The following TMEM53 variants were observed in gnomAD, a reference collection of about 807,000 sequenced individuals.
The protein encoded by TMEM53 is transmembrane protein 53.
In TMEM53, 14 loss-of-function variants were observed where a neutral mutation model predicts 21.4. The ratio of observed to expected loss-of-function variants is 0.65; its 90% confidence interval spans 0.43 to 1.02. TMEM53 has a LOEUF of 1.02. Ranked by LOEUF, TMEM53 falls within the 50% of genes least tolerant of loss-of-function variation. TMEM53 has a pLI of 0.00. For synonymous variants in TMEM53, 148 were observed against 157.4 expected, an observed-to-expected ratio of 0.94 and a Z score of 0.45; for missense variants, 323 against 383.6, an observed-to-expected ratio of 0.84 and a Z score of 1.32.
intron 1 of TMEM53, among the ~76,000 whole-genome samples, chr1:44,669,701 A>G (rs1270250739): frequency 1.3e-5 from 2 of 152,160 alleles, no homozygotes; most frequent in Non-Finnish European, 2.9e-5. Flanking sequence ...ACAGACATTC[A>G]GAGAAAAGGA....
rs1644824958 is a variant in TMEM53 at position 44,654,093 on chromosome 1, C to A, written c.*466G>T. 6.5e-6 allele frequency: 1 copy of A among 153,826 alleles called. No homozygotes were observed. 9.5% of individuals were successfully genotyped at this position (153,826 alleles called of 1,614,324 possible). A position where few individuals can be genotyped will look rare whatever the true frequency, so the allele number is the denominator to read the frequency against. ...AGTGAGCCATGATTGCACCATTGCA[C>A]CCCAGCCTAGGTGACAGAGTGAGAC... On this transcript the variant is annotated 3_prime_UTR_variant, in exon 3 of 3. Transcript: ENST00000372237. The surrounding 1 kb of genome is among the most constrained non-coding windows in gnomAD (Gnocchi z 7.0).
At position 44,654,690 on chromosome 1, in the gene TMEM53, G is replaced by T. The variant is rs138904774; in HGVS notation, c.703C>A (p.Arg235Ser). Residue 235 changes from arginine to serine, a missense_variant, in exon 3 of 3, where the codon CGC becomes AGC. Transcript: ENST00000372237. This position sits in a 1 kb window ranked among gnomAD's most constrained non-coding sequence, Gnocchi z 7.0. Reference sequence around the variant, plus strand: ...CGCGCCAGGACCCGGCGTGCCAGGCGTGCCTCCACCATGCGTTCTATGTCT... The same window carrying T: ...CGCGCCAGGACCCGGCGTGCCAGGCTTGCCTCCACCATGCGTTCTATGTCT... Reference protein sequence around the residue: ...ARDIERMVEARLARRVLARSV... With the variant: ...ARDIERMVEASLARRVLARSV... The T allele has an allele frequency of 1.9e-6, 3 of 1,614,144 alleles. No individual in the cohort carries two copies. The East Asian group carries it at 6.7e-5, about 36-fold the overall frequency.
rs377011773 is a variant in TMEM53, at chr1:44,654,579, G to A, written c.814C>T (p.Arg272Cys). 6.6e-5 allele frequency: 106 copies of A among 1,606,686 alleles called. No individual in the cohort carries two copies. Among genetic ancestry groups the A allele is most frequent in the South Asian group, 1.9e-4 (17 of 90,958 alleles). ...TGGCCTCAGCAGCGGACGCAGTTGCGCATGAAGTCGACACAGAGGCTTGTG... is the reference window on the plus strand; with the variant it reads ...TGGCCTCAGCAGCGGACGCAGTTGCACATGAAGTCGACACAGAGGCTTGTG... ...YYTSLCVDFMRNCVRC is the reference protein window; with the variant it reads ...YYTSLCVDFMCNCVRC The change falls in exon 3 of 3, where the codon CGC becomes TGC. Residue 272 changes from arginine (R) to cysteine (C), a missense_variant. Physicochemically the swap from Arg to Cys is radical, Grantham distance 180 (BLOSUM62 -3). Around this residue, in one of 3 missense-constraint regions of TMEM53, gnomAD observed 269 missense variants for 334.5 expected, o/e 0.80. Coordinates refer to ENST00000372237, the MANE Select transcript of TMEM53 (RefSeq NM_024587.4). The surrounding 1 kb of genome is among the most constrained non-coding windows in gnomAD (Gnocchi z 7.0).
At chr1:44,656,561 C>T (rs1644850812) in intron 2 of TMEM53, among the ~76,000 whole-genome samples, 1 of 152,168 alleles carries the variant, frequency 6.6e-6, no homozygotes, top group African/African-American at 2.4e-5. Context: ...CTGACAGAGG[C>T]CTTTCAGTCC....
chr1:44,672,746 G>A lies in TMEM53; in HGVS notation c.61+1585C>T, dbSNP rs541647159. Among the ~76,000 whole-genome samples the A allele has an allele frequency of 2.0e-5, 3 of 150,756 alleles. No individual in the cohort carries two copies. The South Asian group carries it at 6.3e-4, about 32-fold the overall frequency. On this transcript the variant is annotated intron_variant, in intron 1 of 2. Coordinates refer to ENST00000372237, the MANE Select transcript of TMEM53 (RefSeq NM_024587.4). Reference sequence around the variant, plus strand: ...GGATCCGCCACTGCACTCCGGCCTGGGCGACAGGGGAGACTCCATCTCTTA... The same window carrying A: ...GGATCCGCCACTGCACTCCGGCCTGAGCGACAGGGGAGACTCCATCTCTTA...
intron 1 of TMEM53, among the ~76,000 whole-genome samples, chr1:44,664,983 G>A (rs910836290): frequency 2.6e-5 from 4 of 151,892 alleles, no homozygotes; most frequent in African/African-American, 9.7e-5. Flanking sequence ...CCACGATGCT[G>A]ATGCTCCGTG....
intron 2 of TMEM53, among the ~76,000 whole-genome samples, chr1:44,658,273 T>A (rs1644867551): frequency 6.6e-6 from 1 of 152,064 alleles, no homozygotes; most frequent in South Asian, 2.1e-4. Context: ...TCTTCTAGTG[T>A]TCCGGTCTCA....
At chr1:44,666,255 G>A (rs972978003) in intron 1 of TMEM53, among the ~76,000 whole-genome samples, 1 of 152,194 alleles carries the variant, frequency 6.6e-6, no homozygotes. Context: ...GATGAAACCA[G>A]GACCCTCATA....
At chr1:44,663,529 C>T (rs776805386) in intron 1 of TMEM53, among the ~76,000 whole-genome samples, 1 of 152,234 alleles carries the variant, frequency 6.6e-6, no homozygotes, top group Non-Finnish European at 1.5e-5. Flanking sequence ...CGTGAGCCAC[C>T]GCACCTGGCC....
At chr1:44,666,849 T>TG (rs375375834) in intron 1 of TMEM53, among the ~76,000 whole-genome samples, 9,318 of 151,842 alleles carry the variant, frequency 0.061, 950 homozygotes, top group African/African-American at 0.21. Flanking sequence ...TACTTTTTTT[T>TG]TTTGTTTTGT....
chr1:44,655,330 G>C lies in TMEM53; in HGVS notation c.184-121C>G. The C allele has an allele frequency of 1.0e-6, 1 of 997,480 alleles. No homozygotes were observed. Among genetic ancestry groups the C allele is most frequent in the East Asian group, 2.6e-5 (1 of 37,756 alleles). The allele number at this position is 997,480 out of a possible 1,614,324, so 61.8% of individuals were successfully genotyped here. A position where few individuals can be genotyped will look rare whatever the true frequency, so the allele number is the denominator to read the frequency against. On this transcript the variant is annotated intron_variant, in intron 2 of 2. Transcript: ENST00000372237. This position sits in a 1 kb window ranked among gnomAD's most constrained non-coding sequence, Gnocchi z 4.4. ...ATAGGCCATGGGGCCCACAGCGTCAGCAATGCTCTGGGTCCTGCTTCAGCC... is the reference window on the plus strand; with the variant it reads ...ATAGGCCATGGGGCCCACAGCGTCACCAATGCTCTGGGTCCTGCTTCAGCC...
At chr1:44,659,626 C>G (rs996964091) in intron 2 of TMEM53, among the ~76,000 whole-genome samples, 1 of 152,168 alleles carries the variant, frequency 6.6e-6, no homozygotes, top group Non-Finnish European at 1.5e-5. Flanking sequence ...AGACACCCAG[C>G]CCTGGCTCCT....
intron 1 of TMEM53, among the ~76,000 whole-genome samples, chr1:44,668,491 T>G (rs1356761668): frequency 6.6e-6 from 1 of 152,224 alleles, no homozygotes; most frequent in African/African-American, 2.4e-5. Context: ...TAATTTTCTC[T>G]ACTCCCCAGA....
intron 1 of TMEM53, among the ~76,000 whole-genome samples, chr1:44,661,018 T>G (rs745389041): frequency 5.3e-5 from 8 of 151,060 alleles, no homozygotes; most frequent in Non-Finnish European, 8.9e-5. Context: ...CACGTGAAAA[T>G]TATATGGAAT....
At chr1:44,668,842 C>A (rs1644973988) in intron 1 of TMEM53, among the ~76,000 whole-genome samples, 1 of 152,192 alleles carries the variant, frequency 6.6e-6, no homozygotes, top group Admixed American at 6.5e-5. Flanking sequence ...TGTACCCGGC[C>A]AAATTACTTT....
chr1:44,670,917 T>G (rs1211158440), intron 1 of TMEM53, among the ~76,000 whole-genome samples: 1 of 152,248 alleles, frequency 6.6e-6, no homozygotes, highest in African/African-American at 2.4e-5. Context: ...TAGGTGGGAC[T>G]TGGCTGACCA....
At chr1:44,673,931 T>A (rs1027667805) in intron 1 of TMEM53, 1 of 985,314 alleles carries the variant, frequency 1.0e-6, no homozygotes, top group Non-Finnish European at 1.2e-6. Flanking sequence ...AGCCTCCCCC[T>A]CCACGCCTTC....
In TMEM53 at chr1:44,660,405, G is replaced by A. The variant is rs573841217; in HGVS notation, c.62-110C>T. ...CTGCTGCAGGCAGGGAACAACGGGT[G>A]CCAGGCCCAGGCATCCTGCCAGCAC... On this transcript the variant is annotated intron_variant, in intron 1 of 2. Transcript: ENST00000372237. 108 of 1,443,310 alleles carry A rather than the reference G, an allele frequency of 7.5e-5. 1 individual carries two copies. The East Asian group carries it at 1.9e-3, about 25-fold the overall frequency. The allele number at this position is 1,443,310 out of a possible 1,614,324, so 89.4% of individuals were successfully genotyped here. A position where few individuals can be genotyped will look rare whatever the true frequency, so the allele number is the denominator to read the frequency against.
intron 1 of TMEM53, among the ~76,000 whole-genome samples, chr1:44,661,555 T>C (rs1022743954): frequency 2.0e-5 from 3 of 152,112 alleles, no homozygotes; most frequent in African/African-American, 7.2e-5. Flanking sequence ...GGCAGGGACA[T>C]GAGGCTGACT....
Sources: allele counts gnomAD v4.1 joint callset (sites outside exome capture counted in the v4.1 genomes callset), GRCh38; gene constraint gnomAD v4.1.1; regional missense constraint gnomAD v4.1.1; non-coding constraint Gnocchi (gnomAD v3.1); transcripts MANE v1.5; gene names NCBI Gene and HGNC (gene_info 2026-07-23, HGNC 2026-07-21).